Variants in CAMKMT observed in about 807,000 individuals in gnomAD.
The protein encoded by CAMKMT is calmodulin-lysine N-methyltransferase.
A neutral mutation model predicts 48.0 loss-of-function variants in CAMKMT; 53 were observed. The observed-to-expected ratio is 1.10, with a 90% CI of 0.89 to 1.39. CAMKMT has a LOEUF of 1.39. Ranked by LOEUF, CAMKMT falls within the 40% of genes most tolerant of loss-of-function variation. CAMKMT has a pLI of 0.00. For synonymous variants in CAMKMT, 165 were observed against 152.3 expected, an observed-to-expected ratio of 1.08 and a Z score of -0.61; for missense variants, 428 against 402.7, an observed-to-expected ratio of 1.06 and a Z score of -0.54.
At chr2:44,735,808 G>A (rs754353627) in intron 7 of CAMKMT, among the ~76,000 whole-genome samples, 7 of 152,054 alleles carry the variant, frequency 4.6e-5, no homozygotes, top group Non-Finnish European at 7.4e-5. Context: ...AGCTACTCGG[G>A]AGGCTGAGAC....
intron 3 of CAMKMT, among the ~76,000 whole-genome samples, chr2:44,519,320 T>C (rs1670984086): frequency 6.6e-6 from 1 of 152,218 alleles, no homozygotes; most frequent in Non-Finnish European, 1.5e-5. Flanking sequence ...TTGGAACATA[T>C]TTTGAAGCAG....
At chr2:44,504,578 G>C (rs1304097864) in intron 3 of CAMKMT, among the ~76,000 whole-genome samples, 1 of 152,030 alleles carries the variant, frequency 6.6e-6, no homozygotes, top group South Asian at 2.1e-4. Flanking sequence ...CTCTTACAAG[G>C]GCAGAATTGA....
chr2:44,461,575 G>C (rs1223378512), intron 3 of CAMKMT, among the ~76,000 whole-genome samples: 3 of 152,144 alleles, frequency 2.0e-5, no homozygotes, highest in Admixed American at 6.5e-5. Flanking sequence ...AGAGGACAGG[G>C]AATGCATCTG....
At chr2:44,423,829 A>G (rs753113649) in intron 3 of CAMKMT, among the ~76,000 whole-genome samples, 2 of 152,206 alleles carry the variant, frequency 1.3e-5, no homozygotes, top group Non-Finnish European at 2.9e-5. Context: ...CCTGCTTCTT[A>G]GAGGCCAACA....
At chr2:44,667,166 C>G (rs568004914) in intron 3 of CAMKMT, among the ~76,000 whole-genome samples, 1 of 152,188 alleles carries the variant, frequency 6.6e-6, no homozygotes, top group Non-Finnish European at 1.5e-5. Flanking sequence ...GACCACCCAT[C>G]GCTGGGAGCT....
At chr2:44,567,385 A>G (rs1301270344) in intron 3 of CAMKMT, among the ~76,000 whole-genome samples, 2 of 152,198 alleles carry the variant, frequency 1.3e-5, no homozygotes, top group Non-Finnish European at 2.9e-5. Flanking sequence ...GTTGAGCAGG[A>G]ATACTCATAT....
chr2:44,753,763 T>C (rs1032733854), intron 8 of CAMKMT, among the ~76,000 whole-genome samples: 1 of 152,206 alleles, frequency 6.6e-6, no homozygotes, highest in Admixed American at 6.5e-5. Context: ...CTCAACCAGA[T>C]GGCTACCCCA....
chr2:44,749,408 T>C (rs995064467), intron 8 of CAMKMT, among the ~76,000 whole-genome samples: 4 of 152,222 alleles, frequency 2.6e-5, no homozygotes, highest in African/African-American at 9.6e-5. Flanking sequence ...TTCCAAGGAC[T>C]GTGATGATCT....
At chr2:44,424,467 C>G (rs894994681) in intron 3 of CAMKMT, among the ~76,000 whole-genome samples, 1 of 152,054 alleles carries the variant, frequency 6.6e-6, no homozygotes, top group Non-Finnish European at 1.5e-5. Context: ...TGGGGGCTAG[C>G]AGAACAGAAC....
At chr2:44,470,229 C>G (rs1291912368) in intron 3 of CAMKMT, among the ~76,000 whole-genome samples, 1 of 152,142 alleles carries the variant, frequency 6.6e-6, no homozygotes, top group Non-Finnish European at 1.5e-5. Flanking sequence ...GTTTTTAAAA[C>G]TATGGCCTCA....
At chr2:44,663,729 C>G (rs1013473042) in intron 3 of CAMKMT, among the ~76,000 whole-genome samples, 2 of 152,152 alleles carry the variant, frequency 1.3e-5, no homozygotes, top group African/African-American at 4.8e-5. Context: ...GTCTCCTAAA[C>G]TCTATTTATT....
At chr2:44,538,330 T>C (rs1171741075) in intron 3 of CAMKMT, among the ~76,000 whole-genome samples, 4 of 147,806 alleles carry the variant, frequency 2.7e-5, no homozygotes, top group African/African-American at 7.5e-5. Flanking sequence ...ATTGTGCCAC[T>C]GCACTCCAGC....
chr2:44,558,587 A>G (rs560276468), intron 3 of CAMKMT, among the ~76,000 whole-genome samples: 1 of 152,162 alleles, frequency 6.6e-6, no homozygotes, highest in South Asian at 2.1e-4. Flanking sequence ...TGCCCCATGG[A>G]CTACTACACA....
intron 6 of CAMKMT, among the ~76,000 whole-genome samples, chr2:44,713,323 TGGG>T (rs1202649284): frequency 2.6e-5 from 4 of 152,210 alleles, no homozygotes; most frequent in Non-Finnish European, 5.9e-5. Context: ...ACAGGTGTAC[TGGG>T]CACATTATGG....
chr2:44,572,216 T>A (rs938024167), intron 3 of CAMKMT, among the ~76,000 whole-genome samples: 1 of 152,150 alleles, frequency 6.6e-6, no homozygotes, highest in African/African-American at 2.4e-5. Flanking sequence ...TTTTAAAAAA[T>A]TTAATTCTTT....
intron 3 of CAMKMT, among the ~76,000 whole-genome samples, chr2:44,634,705 C>T (rs1345748903): frequency 7.1e-6 from 1 of 140,664 alleles, no homozygotes; most frequent in Non-Finnish European, 1.5e-5. Context: ...TTTGGGAGCT[C>T]AAATGAGGTC....
chr2:44,708,968 G>A (rs1016162937), intron 6 of CAMKMT, among the ~76,000 whole-genome samples: 2 of 151,990 alleles, frequency 1.3e-5, no homozygotes, highest in Admixed American at 6.6e-5. Context: ...ATCAAACTAT[G>A]GGAAACATCT....
chr2:44,500,224 T>A (rs1249759968), intron 3 of CAMKMT, among the ~76,000 whole-genome samples: 1 of 152,152 alleles, frequency 6.6e-6, no homozygotes, highest in Non-Finnish European at 1.5e-5. Flanking sequence ...CTAAGTAGGT[T>A]TTACACTATC....
chr2:44,526,553 T>C (rs1216929318), intron 3 of CAMKMT, among the ~76,000 whole-genome samples: 3 of 152,122 alleles, frequency 2.0e-5, no homozygotes, highest in African/African-American at 7.2e-5. Context: ...TAAGTCCTGG[T>C]CTGAGTCCGA....
Sources: gnomAD v4.1 joint callset for allele counts (sites outside exome capture counted in the v4.1 genomes callset) on GRCh38, gnomAD v4.1.1 for gene constraint, MANE v1.5 for transcripts, NCBI Gene and HGNC (gene_info 2026-07-23, HGNC 2026-07-21) for gene names.